Variants in BMPR1B observed in about 807,000 individuals in gnomAD.
BMPR1B encodes bone morphogenetic protein receptor type 1B, also known as bone morphogenetic protein receptor type-1B.
Under a neutral mutation model 59.1 loss-of-function variants are expected in BMPR1B, and 12 were observed. The ratio of observed to expected loss-of-function variants is 0.20; its 90% CI spans 0.13 to 0.33. BMPR1B has a LOEUF of 0.33. BMPR1B is among the 10% of genes least tolerant of loss of function. The pLI, the probability that BMPR1B is intolerant of heterozygous loss-of-function variation, is 1.00. For missense variants in BMPR1B, 550 were observed against 610.9 expected, an observed-to-expected ratio of 0.90 and a Z score of 1.05; for synonymous variants, 237 against 207.3, an observed-to-expected ratio of 1.14 and a Z score of -1.23.
At position 94,770,180 on chromosome 4, in the gene BMPR1B, G is replaced by GTTTTTTT. The variant is rs1553903537; in HGVS notation, c.-183+12113_-183+12114insTTTTTTT. Among the ~76,000 whole-genome samples the GTTTTTTT allele has an allele frequency of 1.1e-3, 119 of 106,240 alleles. 4 individuals are homozygous for GTTTTTTT. The highest frequency in any genetic ancestry group is 4.4e-3 in the African/African-American group (106 of 24,184). The allele number at this position is 106,240 out of a possible 152,430, so 69.7% of individuals were successfully genotyped here. ...TTTGTTTGAATTGTCCTTCGTTTCT[G>GTTTTTTT]TGTTTGTTTTTTTTTTTTTTTTTTG... On this transcript the variant is annotated intron_variant, in intron 1 of 12. Coordinates refer to ENST00000515059, the MANE Select transcript of BMPR1B (RefSeq NM_001203.3).
intron 3 of BMPR1B, among the ~76,000 whole-genome samples, chr4:95,093,094 T>A (rs1368172890): frequency 1.3e-5 from 2 of 152,172 alleles, no homozygotes; most frequent in East Asian, 3.8e-4. Flanking sequence ...AAGTCATTTT[T>A]AATTTTTAAT....
At chr4:95,030,859 C>T (rs529645820) in intron 3 of BMPR1B, among the ~76,000 whole-genome samples, 7 of 150,366 alleles carry the variant, frequency 4.7e-5, no homozygotes, top group Non-Finnish European at 7.4e-5. Context: ...CACTGCTCAA[C>T]GAAATAAAAG....
chr4:95,012,305 A>G (rs1028048319), intron 3 of BMPR1B, among the ~76,000 whole-genome samples: 3 of 152,200 alleles, frequency 2.0e-5, no homozygotes, highest in African/African-American at 7.2e-5. Flanking sequence ...CAAAGGTTTC[A>G]ATACCTATTA....
intron 2 of BMPR1B, among the ~76,000 whole-genome samples, chr4:94,878,311 G>T (rs185293292): frequency 6.6e-5 from 10 of 152,062 alleles, no homozygotes; most frequent in Non-Finnish European, 1.3e-4. Context: ...AAAGATACTA[G>T]GTTTTTATTA....
At chr4:95,076,103 G>C (rs1210267235) in intron 3 of BMPR1B, among the ~76,000 whole-genome samples, 2 of 152,048 alleles carry the variant, frequency 1.3e-5, no homozygotes, top group Non-Finnish European at 2.9e-5. Context: ...CAGTGAATAG[G>C]CTTATTTCTT....
chr4:94,783,663 A>G (rs189730933), intron 1 of BMPR1B, among the ~76,000 whole-genome samples: 2 of 152,262 alleles, frequency 1.3e-5, no homozygotes, highest in Non-Finnish European at 2.9e-5. Flanking sequence ...TGGTCTCCTT[A>G]TCTTACCTCT....
chr4:95,152,951 T>C (rs536095530), intron 12 of BMPR1B, among the ~76,000 whole-genome samples, 178 bp downstream of exon 12: 2 of 152,356 alleles, frequency 1.3e-5, no homozygotes, highest in African/African-American at 4.8e-5. Flanking sequence ...CTTGTTCTAC[T>C]TTTCCAATTT....
chr4:95,044,510 C>T (rs891453575), intron 3 of BMPR1B, among the ~76,000 whole-genome samples: 3 of 152,132 alleles, frequency 2.0e-5, no homozygotes, highest in Non-Finnish European at 4.4e-5. Context: ...AGTCATATCC[C>T]GTAAGTAAGA....
chr4:94,847,157 C>A (rs879738687), intron 1 of BMPR1B, among the ~76,000 whole-genome samples: 5 of 152,090 alleles, frequency 3.3e-5, no homozygotes, highest in Non-Finnish European at 5.9e-5. Flanking sequence ...AAAAGACATA[C>A]AAATGGCAAA....
chr4:94,803,502 GTTTC>G (rs1723486954), intron 1 of BMPR1B, among the ~76,000 whole-genome samples: 1 of 152,130 alleles, frequency 6.6e-6, no homozygotes, highest in Non-Finnish European at 1.5e-5. Flanking sequence ...GTCTACTTAT[GTTTC>G]TTTCCTTTCT....
intron 2 of BMPR1B, among the ~76,000 whole-genome samples, chr4:94,902,119 CCT>C (rs1265851164): frequency 2.5e-5 from 3 of 121,202 alleles, no homozygotes; most frequent in Non-Finnish European, 3.3e-5. Flanking sequence ...CTTGACTATC[CCT>C]CTCTTGAGTA....
At chr4:94,795,809 A>G (rs1439503771) in intron 1 of BMPR1B, among the ~76,000 whole-genome samples, 10 of 152,198 alleles carry the variant, frequency 6.6e-5, no homozygotes, top group Admixed American at 3.9e-4. Context: ...TCCTGAGTAC[A>G]CTAAAATGGA....
At position 94,846,546 on chromosome 4, in the gene BMPR1B, C is replaced by G. The variant is rs141747209; in HGVS notation, c.-182-29285C>G. ...CTAGCCTCCCAGCCTGTATCTTTCT[C>G]CCGTGCTGGATGCTTCCTGCCCTTG... On this transcript the variant is annotated intron_variant, in intron 1 of 12. Coordinates refer to ENST00000515059, the MANE Select transcript of BMPR1B (RefSeq NM_001203.3). 6.6e-3 allele frequency among the ~76,000 whole-genome samples: 1,009 copies of G among 152,220 alleles called. 10 individuals carry two copies. Among genetic ancestry groups the G allele is most frequent in the African/African-American group, 0.023 (941 of 41,542 alleles).
chr4:94,949,900 CCTA>C (rs1254579194), intron 2 of BMPR1B, among the ~76,000 whole-genome samples: 5 of 152,202 alleles, frequency 3.3e-5, no homozygotes, highest in Non-Finnish European at 7.3e-5. Flanking sequence ...AATTTACACT[CCTA>C]CTAACAGTGT....
chr4:95,001,311 C>T (rs995706614), intron 3 of BMPR1B, among the ~76,000 whole-genome samples: 5 of 151,666 alleles, frequency 3.3e-5, no homozygotes, highest in Non-Finnish European at 7.4e-5. Context: ...TGTGTCTTGT[C>T]TTGTATTAGA....
intron 3 of BMPR1B, among the ~76,000 whole-genome samples, chr4:95,052,676 C>T (rs935919160): frequency 1.3e-5 from 2 of 152,132 alleles, no homozygotes; most frequent in Admixed American, 6.5e-5. Flanking sequence ...TTCATAATCT[C>T]AAAGTATTCT....
At chr4:94,764,925 C>G (rs1721913196) in intron 1 of BMPR1B, among the ~76,000 whole-genome samples, 1 of 152,014 alleles carries the variant, frequency 6.6e-6, no homozygotes, top group Non-Finnish European at 1.5e-5. Flanking sequence ...AAATAAACAA[C>G]TATACATAAT....
intron 3 of BMPR1B, among the ~76,000 whole-genome samples, chr4:95,094,694 G>C (rs1408802342): frequency 6.6e-6 from 1 of 152,064 alleles, no homozygotes; most frequent in Non-Finnish European, 1.5e-5. Flanking sequence ...AGCTGAGCTC[G>C]AGTTTGAACC....
intron 4 of BMPR1B, among the ~76,000 whole-genome samples, 166 bp from the exon 5 acceptor site, chr4:95,114,554 A>T (rs953216259): frequency 6.6e-6 from 1 of 152,178 alleles, no homozygotes; most frequent in African/African-American, 2.4e-5. Flanking sequence ...TTTTCATAAA[A>T]GGAAGTTTTT....
Sources: gnomAD v4.1 joint callset for allele counts (sites outside exome capture counted in the v4.1 genomes callset) on GRCh38, gnomAD v4.1.1 for gene constraint, MANE v1.5 for transcripts, NCBI Gene and HGNC (gene_info 2026-07-23, HGNC 2026-07-21) for gene names.